The following KCNIP4 variants were observed in gnomAD, a reference collection of about 807,000 sequenced individuals.
The protein encoded by KCNIP4 is potassium voltage-gated channel interacting protein 4.
KCNIP4 carries 12 observed loss-of-function variants against 34.0 expected under a neutral mutation model. The ratio of observed to expected loss-of-function variants is 0.35; its 90% CI spans 0.23 to 0.57. The LOEUF (loss-of-function observed/expected upper bound fraction) is 0.57, where lower values mean the gene tolerates loss of function less well. Among genes scored for constraint, KCNIP4 ranks in the 20% least tolerant of loss-of-function variants. The probability of loss-of-function intolerance (pLI) is 0.83; values close to 1 mark genes in which losing one functional copy is unlikely to be tolerated. For missense variants in KCNIP4, 238 were observed against 311.7 expected, an observed-to-expected ratio of 0.76 and a Z score of 1.78; for synonymous variants, 124 against 102.2, an observed-to-expected ratio of 1.21 and a Z score of -1.29.
At chr4:21,614,262 C>T (rs929316005) in intron 1 of KCNIP4, among the ~76,000 whole-genome samples, 9 of 151,828 alleles carry the variant, frequency 5.9e-5, no homozygotes, top group Non-Finnish European at 1.2e-4. Context: ...AGACAACACG[C>T]TCTTGACATG....
intron 1 of KCNIP4, among the ~76,000 whole-genome samples, chr4:20,952,272 A>G (rs561088946): frequency 3.3e-5 from 5 of 152,208 alleles, no homozygotes; most frequent in Admixed American, 6.5e-5. Context: ...AGAAGAAAGT[A>G]AAGAAACAGA....
chr4:21,721,690 A>G (rs1714830595), intron 1 of KCNIP4, among the ~76,000 whole-genome samples: 1 of 152,196 alleles, frequency 6.6e-6, no homozygotes, highest in South Asian at 2.1e-4. Flanking sequence ...TTTGGTTTTC[A>G]TAATTGCAGT....
chr4:21,198,240 C>T (rs1013866922), intron 1 of KCNIP4, among the ~76,000 whole-genome samples: 1 of 152,188 alleles, frequency 6.6e-6, no homozygotes, highest in African/African-American at 2.4e-5. Flanking sequence ...TGGAGCCCTC[C>T]TTCAAATAAT....
chr4:21,061,983 C>T (rs1455958148), intron 1 of KCNIP4, among the ~76,000 whole-genome samples: 1 of 152,136 alleles, frequency 6.6e-6, no homozygotes, highest in Non-Finnish European at 1.5e-5. Flanking sequence ...AGAAATCTAT[C>T]TTGTTCACAT....
rs2108961012 is a variant in KCNIP4, at chr4:21,204,047, C to A, written c.62-321338G>T. ...CGCTGGGTTGGTTTCCATTGCAAGG[C>A]ATGGTTGTTCTAATCCTGGAATGTG... On this transcript the variant is annotated intron_variant, in intron 1 of 8. Coordinates refer to ENST00000382152, the MANE Select transcript of KCNIP4 (RefSeq NM_025221.6). Among the ~76,000 whole-genome samples the A allele has an allele frequency of 1.3e-5, 2 of 152,280 alleles. 1 individual carries two copies. The highest frequency in any genetic ancestry group is 4.2e-4 in the South Asian group (2 of 4,818).
intron 3 of KCNIP4, among the ~76,000 whole-genome samples, chr4:20,849,345 A>C (rs1166973125): frequency 6.8e-6 from 1 of 147,794 alleles, no homozygotes; most frequent in Non-Finnish European, 1.5e-5. Context: ...GAGGAGCAGA[A>C]ATGGGAGAAA....
rs1720434247 is a variant in KCNIP4 at position 21,371,383 on chromosome 4, T to C, written c.62-488674A>G. On this transcript the variant is annotated intron_variant, in intron 1 of 8. Coordinates refer to ENST00000382152, the MANE Select transcript of KCNIP4 (RefSeq NM_025221.6). Reference sequence around the variant, plus strand: ...TGGCAGATGGGGAACCAGTTGAAGATGTGTGCTGGCAGACACCTCTGGGGG... The same window carrying C: ...TGGCAGATGGGGAACCAGTTGAAGACGTGTGCTGGCAGACACCTCTGGGGG... Among the ~76,000 whole-genome samples, 2 of 146,368 alleles carry C rather than the reference T, an allele frequency of 1.4e-5. 1 individual carries two copies. Among genetic ancestry groups the C allele is most frequent in the African/African-American group, 5.5e-5 (2 of 36,170 alleles).
intron 1 of KCNIP4, among the ~76,000 whole-genome samples, chr4:21,378,089 G>A (rs372343620): frequency 3.6e-4 from 55 of 152,170 alleles, no homozygotes; most frequent in African/African-American, 1.2e-3. Flanking sequence ...ATTTGCTCCC[G>A]CATTGCTATC....
chr4:21,927,172 A>G (rs1729294480), intron 1 of KCNIP4, among the ~76,000 whole-genome samples: 1 of 152,274 alleles, frequency 6.6e-6, no homozygotes, highest in Middle Eastern at 3.4e-3. Context: ...CTCTGACCAC[A>G]GTAGGAAAGG....
At chr4:21,897,251 T>C (rs1578122373) in intron 1 of KCNIP4, among the ~76,000 whole-genome samples, 1 of 72,112 alleles carries the variant, frequency 1.4e-5, no homozygotes, top group East Asian at 3.6e-4. Context: ...AGAATAAGAA[T>C]TTTTTTTTCC....
At chr4:20,742,360 TTATCCACCAC>T (rs1402273629) in intron 5 of KCNIP4, among the ~76,000 whole-genome samples, 7 of 152,134 alleles carry the variant, frequency 4.6e-5, no homozygotes, top group African/African-American at 1.7e-4. Flanking sequence ...ATCAAAAAGC[TTATCCACCAC>T]TATCATTTTG....
chr4:21,405,271 C>A (rs557203310), intron 1 of KCNIP4, among the ~76,000 whole-genome samples: 1 of 152,312 alleles, frequency 6.6e-6, no homozygotes, highest in African/African-American at 2.4e-5. Flanking sequence ...CTCAGTCTCT[C>A]TCCCCCACTG....
At chr4:21,255,644 A>T (rs757700257) in intron 1 of KCNIP4, among the ~76,000 whole-genome samples, 6 of 129,286 alleles carry the variant, frequency 4.6e-5, no homozygotes, top group Admixed American at 2.1e-4. Context: ...TACCTTTAAA[A>T]TAGAAAAAAA....
At chr4:21,758,570 T>C (rs1717822549) in intron 1 of KCNIP4, among the ~76,000 whole-genome samples, 1 of 152,224 alleles carries the variant, frequency 6.6e-6, no homozygotes, top group South Asian at 2.1e-4. Context: ...GCATACTTTG[T>C]TCTTTGTAAC....
chr4:21,753,459 A>G (rs930441303), intron 1 of KCNIP4, among the ~76,000 whole-genome samples: 3 of 152,192 alleles, frequency 2.0e-5, no homozygotes, highest in African/African-American at 7.2e-5. Context: ...TGCCTCAGGC[A>G]GAGTTTGGAA....
Position 20,820,842 on chromosome 4 carries a change from C to T in KCNIP4, c.288+29701G>A, listed in dbSNP as rs1717013344. On this transcript the variant is annotated intron_variant, in intron 3 of 8. Coordinates refer to ENST00000382152, the MANE Select transcript of KCNIP4 (RefSeq NM_025221.6). ...GTGCAGTGCTCTTTGGCTGCTCCAG[C>T]ATGGCTCAAACAGGTACAGGTTTAA... Among the ~76,000 whole-genome samples the T allele has an allele frequency of 2.0e-5, 3 of 152,186 alleles. No homozygotes were observed. The South Asian group carries it at 6.2e-4, about 31-fold the overall frequency.
chr4:20,731,455 G>A, intron 8 of KCNIP4: 2 of 985,208 alleles, frequency 2.0e-6, no homozygotes, highest in South Asian at 4.7e-5. Context: ...TTTGATAACA[G>A]GCTACTACCT....
chr4:21,614,374 T>C (rs976222478), intron 1 of KCNIP4, among the ~76,000 whole-genome samples: 5 of 151,672 alleles, frequency 3.3e-5, no homozygotes, highest in Non-Finnish European at 7.4e-5. Flanking sequence ...TTAATAGCAG[T>C]TCCAAAGCTA....
rs185609950 is a variant in KCNIP4 at position 20,870,728 on chromosome 4, T to G, written c.163+11880A>C. 9.8e-5 allele frequency among the ~76,000 whole-genome samples: 15 copies of G among 152,308 alleles called. No homozygotes were observed. The East Asian group carries it at 2.7e-3, about 27-fold the overall frequency. ...TTGGAATAGAATTTGAGACAATAAC[T>G]GAGCTTTATAGTCTCTCATTTCCTC... On this transcript the variant is annotated intron_variant, in intron 2 of 8. Coordinates refer to ENST00000382152, the MANE Select transcript of KCNIP4 (RefSeq NM_025221.6).
Sources: allele counts gnomAD v4.1 joint callset (sites outside exome capture counted in the v4.1 genomes callset), GRCh38; gene constraint gnomAD v4.1.1; transcripts MANE v1.5; gene names NCBI Gene and HGNC (gene_info 2026-07-23, HGNC 2026-07-21).